PLCB3: variants seen among roughly 807,000 people sequenced by gnomAD.
PLCB3 encodes the protein phospholipase C beta 3.
Under a neutral mutation model 152.1 loss-of-function variants are expected in PLCB3, and 54 were observed. The ratio of observed to expected loss-of-function variants is 0.36; its 90% confidence interval spans 0.29 to 0.45. PLCB3 has a LOEUF of 0.45. PLCB3 is among the 20% of genes least tolerant of loss of function. The pLI is 1.00. For missense variants in PLCB3, 1,248 were observed against 1,687.5 expected (o/e 0.74, Z 4.56); for synonymous variants, 717 against 698.7 (o/e 1.03, Z -0.41).
chr11:64,256,380 G>A lies in PLCB3; in HGVS notation c.703G>A (p.Ala235Thr). 7 of 1,613,008 alleles carry A rather than the reference G, an allele frequency of 4.3e-6. No individual in the cohort carries two copies. The highest frequency in any genetic ancestry group is 5.1e-6 in the Non-Finnish European group (6 of 1,179,884). The change falls in exon 9 of 31, where the codon GCC becomes ACC. Residue 235 changes from alanine (A) to threonine (T), a missense_variant. This residue lies in a region of PLCB3 where 299 missense variants were observed against 434.7 expected (regional missense o/e 0.69). Coordinates refer to ENST00000279230, the MANE Select transcript of PLCB3 (RefSeq NM_000932.5). ...CCAGCTTCCTGTCCCCTCCAGAGGC[G>A]CCAAGGGCAAGCCATACCTGACGCT... ...DIDKILLEIG[A>T]KGKPYLTLEQ... is the part of the protein sequence containing the mutation.
Position 64,267,168 on chromosome 11 carries a change from C to T in PLCB3, c.3415-17C>T. Reference sequence around the variant, plus strand: ...TCCCTCAGGGCCCCTCAGCTGAGCCCTTGCCCACCCCTGTAGCTGGAGGAG... The same window carrying T: ...TCCCTCAGGGCCCCTCAGCTGAGCCTTTGCCCACCCCTGTAGCTGGAGGAG... On this transcript the variant is annotated splice_polypyrimidine_tract_variant and intron_variant, in intron 29 of 30. Transcript: ENST00000279230. This position sits in a 1 kb window ranked among gnomAD's most constrained non-coding sequence, Gnocchi z 5.2. 1 of 1,549,146 alleles carries T rather than the reference C, an allele frequency of 6.5e-7. No individual in the cohort carries two copies. Among genetic ancestry groups the T allele is most frequent in the Non-Finnish European group, 8.7e-7 (1 of 1,146,600 alleles).
chr11:64,269,396 G>C (rs988917742), downstream of PLCB3, among the ~76,000 whole-genome samples: 1 of 152,226 alleles, frequency 6.6e-6, no homozygotes, highest in Non-Finnish European at 1.5e-5. Context: ...TTTCTGGAAC[G>C]GAGCCCCCGC....
intron 12 of PLCB3, 37 bp downstream of exon 12, chr11:64,259,006 C>T: frequency 6.2e-7 from 1 of 1,612,774 alleles, no homozygotes; most frequent in South Asian, 1.1e-5. Context: ...GGCATGGGGG[C>T]CAGGGTGCTG....
Position 64,251,567 on chromosome 11 carries a change from G to C in PLCB3, c.-83G>C. 1.9e-6 allele frequency: 1 copy of C among 515,762 alleles called. No homozygotes were observed. The highest frequency in any genetic ancestry group is 2.8e-6 in the Non-Finnish European group (1 of 353,578). 31.9% of individuals were successfully genotyped at this position (515,762 alleles called of 1,614,324 possible). ...GGGCGGGCACTGACGCCGCGGGGCC[G>C]GAGCGGGCCGCGCGGTGGGAGCAGC... On this transcript the variant is annotated 5_prime_UTR_variant, in exon 1 of 31. Transcript: ENST00000279230.
At position 64,255,418 on chromosome 11, in the gene PLCB3, G is replaced by T; in HGVS notation, c.490G>T (p.Val164Leu). 1.2e-6 allele frequency: 2 copies of T among 1,614,182 alleles called. No individual in the cohort carries two copies. Among genetic ancestry groups the T allele is most frequent in the African/African-American group, 2.7e-5 (2 of 75,070 alleles). Residue 164 changes from valine to leucine, a missense_variant, in exon 6 of 31, where the codon GTG becomes TTG. Physicochemically the swap from Val to Leu is conservative, Grantham distance 32. This residue lies in a region of PLCB3 where 299 missense variants were observed against 434.7 expected (regional missense o/e 0.69). Coordinates refer to ENST00000279230, the MANE Select transcript of PLCB3 (RefSeq NM_000932.5). This position sits in a 1 kb window ranked among gnomAD's most constrained non-coding sequence, Gnocchi z 6.8. ...RKAYTKLKLQVNQDGRIPVKN... is the reference protein window; with the variant it reads ...RKAYTKLKLQLNQDGRIPVKN... ...CAGATACACGAAGCTGAAGCTGCAG[G>T]TGAACCAGGATGGTCGGATCCCCGT...
chr11:64,261,013 A>C (rs2031820463), intron 14 of PLCB3, among the ~76,000 whole-genome samples: 1 of 152,032 alleles, frequency 6.6e-6, no homozygotes, highest in Non-Finnish European at 1.5e-5. Context: ...TAATTATAAC[A>C]CCTATATGGG....
chr11:64,259,483 C>T lies in PLCB3; in HGVS notation c.1525+239C>T, dbSNP rs555245302. 9.1e-4 allele frequency among the ~76,000 whole-genome samples: 139 copies of T among 152,300 alleles called. 1 individual carries two copies. The highest frequency in any genetic ancestry group is 3.1e-3 in the African/African-American group (127 of 41,570). ...CTCCTGACTCCCAACCTCAGCCTCT[C>T]ACCTCTCAGAGCCTTCCCACAACCC... On this transcript the variant is annotated intron_variant, in intron 13 of 30. Coordinates refer to ENST00000279230, the MANE Select transcript of PLCB3 (RefSeq NM_000932.5).
intron 19 of PLCB3, 116 bp downstream of exon 19, chr11:64,262,924 G>T: frequency 9.1e-7 from 1 of 1,104,688 alleles, no homozygotes; most frequent in Admixed American, 2.0e-5. Flanking sequence ...ATCAGAAAGT[G>T]GGGGGTGCCA....
chr11:64,265,159 C>T (rs748355802), intron 23 of PLCB3, 33 bp from the exon 24 acceptor site: 7 of 1,573,572 alleles, frequency 4.4e-6, no homozygotes, highest in East Asian at 4.6e-5. Context: ...CCCACCCTGT[C>T]CTCCAGCTCC....
At chr11:64,260,916 G>C (rs1173871102) in intron 14 of PLCB3, among the ~76,000 whole-genome samples, 1 of 152,066 alleles carries the variant, frequency 6.6e-6, no homozygotes, top group Non-Finnish European at 1.5e-5. Flanking sequence ...AGTTATAGAA[G>C]AGAATGTCCA....
Position 64,260,189 on chromosome 11 carries a change from G to C in PLCB3, c.1686G>C (p.Glu562Asp). Reference protein sequence around the residue: ...PADREDEEEDEEEEEQTDPKK... With the variant: ...PADREDEEEDDEEEEQTDPKK... ...ACCGTGAGGATGAGGAGGAAGATGA[G>C]GAAGAGGAGGAACAGACAGACCCCA... is the stretch of plus-strand genomic sequence containing the variant. Residue 562 changes from glutamate (E) to aspartate (D), a missense_variant, in exon 14 of 31, where the codon GAG (glutamate) becomes GAC (aspartate). Physicochemically the swap from Glu to Asp is conservative, Grantham distance 45. Coordinates refer to ENST00000279230, the MANE Select transcript of PLCB3 (RefSeq NM_000932.5). 6.3e-7 allele frequency: 1 copy of C among 1,592,522 alleles called. No homozygotes were observed. Among genetic ancestry groups the C allele is most frequent in the Non-Finnish European group, 8.6e-7 (1 of 1,168,910 alleles).
intron 1 of PLCB3, 92 bp downstream of exon 1, chr11:64,251,840 GCCCGTGGCGCCACCCTCAT>G (rs2031221023): frequency 1.5e-6 from 1 of 669,970 alleles, no homozygotes; most frequent in African/African-American, 1.9e-5. Flanking sequence ...AGCCTCGCCT[GCCCGTGGCGCCACCCTCAT>G]CCCAGTCTGG....
Position 64,258,351 on chromosome 11 carries a change from G to A in PLCB3, c.1013-122G>A. ...ACGCTGGTGGGATGGACAGGTGGTG[G>A]GTATCCATCTGAGAGATGGAGAGCC... On this transcript the variant is annotated intron_variant, in intron 10 of 30. Coordinates refer to ENST00000279230, the MANE Select transcript of PLCB3 (RefSeq NM_000932.5). The surrounding 1 kb of genome is among the most constrained non-coding windows in gnomAD (Gnocchi z 7.2). 2 of 1,094,024 alleles carry A rather than the reference G, an allele frequency of 1.8e-6. No homozygotes were observed. The highest frequency in any genetic ancestry group is 2.6e-6 in the Non-Finnish European group (2 of 774,302). 67.8% of individuals were successfully genotyped at this position (1,094,024 alleles called of 1,614,324 possible).
chr11:64,266,120 C>T lies in PLCB3; in HGVS notation c.3190-6C>T. The T allele has an allele frequency of 1.9e-6, 3 of 1,614,034 alleles. No individual in the cohort carries two copies. Among genetic ancestry groups the T allele is most frequent in the Non-Finnish European group, 2.5e-6 (3 of 1,179,954 alleles). On this transcript the variant is annotated splice_polypyrimidine_tract_variant and splice_region_variant and intron_variant, in intron 26 of 30. Transcript: ENST00000279230. This position sits in a 1 kb window ranked among gnomAD's most constrained non-coding sequence, Gnocchi z 4.9. ...GGCATCACCTGTCAGCTCCCTGTGTCCACAGGCTCTGCAGCGGCTCAGGGA... is the reference window on the plus strand; with the variant it reads ...GGCATCACCTGTCAGCTCCCTGTGTTCACAGGCTCTGCAGCGGCTCAGGGA...
chr11:64,263,835 G>T (rs773532177), intron 21 of PLCB3, 40 bp downstream of exon 21: 6 of 1,549,076 alleles, frequency 3.9e-6, no homozygotes, highest in East Asian at 4.5e-5. Context: ...GCCAGGGAGT[G>T]TGAGGGACAA....
intron 17 of PLCB3, 107 bp from the exon 18 acceptor site, chr11:64,262,300 C>A: frequency 7.0e-7 from 1 of 1,433,906 alleles, no homozygotes. Context: ...TGAGCCCGCC[C>A]CTGACCCTGG....
Position 64,262,724 on chromosome 11 carries a change from T to C in PLCB3, c.2271T>C (p.Asp757=), listed in dbSNP as rs2135059885. 2 of 1,613,888 alleles carry C rather than the reference T, an allele frequency of 1.2e-6. No homozygotes were observed. The highest frequency in any genetic ancestry group is 1.7e-6 in the Non-Finnish European group (2 of 1,180,012). ...VEVDMFGLPV[D]TRRKYRTRTS... is the part of the protein sequence containing the mutation. Reference sequence around the variant, plus strand: ...TGGACATGTTTGGCCTCCCTGTTGATACGCGGCGCAAGTACCGCACCCGGA... The same window carrying C: ...TGGACATGTTTGGCCTCCCTGTTGACACGCGGCGCAAGTACCGCACCCGGA... Residue 757 remains aspartate (D), a synonymous_variant, in exon 19 of 31, where the codon GAT becomes GAC. Coordinates refer to ENST00000279230, the MANE Select transcript of PLCB3 (RefSeq NM_000932.5).
In PLCB3 at chr11:64,266,565, C is replaced by T. The variant is rs1565339106; in HGVS notation, c.3414+13C>T. On this transcript the variant is annotated intron_variant, in intron 29 of 30. Transcript: ENST00000279230. The surrounding 1 kb of genome is among the most constrained non-coding windows in gnomAD (Gnocchi z 4.9). ...CTCCATCCGTCGGGTGAGTCAGGCTCCCGGGCCACCCTACCCCACCTCCCT... is the reference window on the plus strand; with the variant it reads ...CTCCATCCGTCGGGTGAGTCAGGCTTCCGGGCCACCCTACCCCACCTCCCT... 1.2e-6 allele frequency: 2 copies of T among 1,612,892 alleles called. No homozygotes were observed. The highest frequency in any genetic ancestry group is 1.3e-5 in the African/African-American group (1 of 74,838).
At chr11:64,254,680 G>C in intron 2 of PLCB3, 68 bp from the exon 3 acceptor site, 2 of 1,550,436 alleles carry the variant, frequency 1.3e-6, no homozygotes, top group Non-Finnish European at 8.9e-7. Flanking sequence ...CCTGGGTAGA[G>C]AGCTTGGAAG....
Sources: gnomAD v4.1 joint callset for allele counts (sites outside exome capture counted in the v4.1 genomes callset) on GRCh38, gnomAD v4.1.1 for gene constraint, gnomAD v4.1.1 regional missense constraint, Gnocchi (gnomAD v3.1) non-coding constraint, MANE v1.5 for transcripts, NCBI Gene and HGNC (gene_info 2026-07-23, HGNC 2026-07-21) for gene names.